TF: variants seen among roughly 807,000 people sequenced by gnomAD.
The protein encoded by TF is serotransferrin.
In TF, 55 loss-of-function variants were observed where a neutral mutation model predicts 82.4. That is an observed-to-expected ratio of 0.67 (90% CI 0.54 to 0.84). The LOEUF (loss-of-function observed/expected upper bound fraction) is 0.84, where lower values mean the gene tolerates loss of function less well. Ranked by LOEUF, TF falls within the 40% of genes least tolerant of loss-of-function variation. The probability of loss-of-function intolerance (pLI) is 0.00; values close to 1 mark genes in which losing one functional copy is unlikely to be tolerated. For missense variants in TF, 737 were observed against 868.4 expected (o/e 0.85, Z 1.90); for synonymous variants, 332 against 332.6 (o/e 1.00, Z 0.02).
intron 14 of TF, among the ~76,000 whole-genome samples, chr3:133,771,723 G>A (rs1428321535): frequency 9.9e-6 from 1 of 100,904 alleles, no homozygotes; most frequent in Non-Finnish European, 1.8e-5. Flanking sequence ...CGGCCTGGGC[G>A]ACAGAGCGAG....
the TF span, among the ~76,000 whole-genome samples, chr3:133,677,466 G>A: frequency 6.6e-6 from 1 of 152,058 alleles, no homozygotes; most frequent in Admixed American, 6.6e-5. Context: ...GTGAAACCGT[G>A]TCTCTACTAA....
At chr3:133,755,768 A>T in intron 5 of TF, 1 of 517,718 alleles carries the variant, frequency 1.9e-6, no homozygotes, top group Non-Finnish European at 3.5e-6. Context: ...CTCTCGGTGG[A>T]TCGGGCAGAG....
chr3:133,764,118 G>A (rs940974861), intron 9 of TF, 64 bp from the exon 10 acceptor site: 87 of 1,452,390 alleles, frequency 6.0e-5, no homozygotes, highest in Non-Finnish European at 7.9e-5. Flanking sequence ...GGAAACAGCT[G>A]GAAAAGTGGG....
At chr3:133,686,336 A>G in the TF span, among the ~76,000 whole-genome samples, 1 of 152,242 alleles carries the variant, frequency 6.6e-6, no homozygotes, top group African/African-American at 2.4e-5. Flanking sequence ...ACAAAAGCCA[A>G]CATTGACAAA....
At chr3:133,735,120 A>G in the TF span, among the ~76,000 whole-genome samples, 1 of 152,132 alleles carries the variant, frequency 6.6e-6, no homozygotes, top group East Asian at 1.9e-4. Context: ...AGGCGGGTGG[A>G]TCACGAGGTC....
intron 13 of TF, among the ~76,000 whole-genome samples, chr3:133,769,307 G>T (rs953039001): frequency 6.6e-6 from 1 of 152,234 alleles, no homozygotes; most frequent in Admixed American, 6.5e-5. Context: ...TCACAAAGTA[G>T]AGCATGTTGT....
At chr3:133,716,492 A>G in the TF span, among the ~76,000 whole-genome samples, 1 of 152,246 alleles carries the variant, frequency 6.6e-6, no homozygotes, top group South Asian at 2.1e-4. Flanking sequence ...TATCTCGTCC[A>G]TCACCAAATT....
chr3:133,689,341 A>G, the TF span, among the ~76,000 whole-genome samples: 1 of 152,140 alleles, frequency 6.6e-6, no homozygotes, highest in East Asian at 1.9e-4. Context: ...ATAAATAAAT[A>G]AAATAACAAA....
Position 133,782,947 on chromosome 3 carries a change from G to A in TF, c.*4327G>A, listed in dbSNP as rs1234638745. 3 of 152,170 alleles carry A rather than the reference G, an allele frequency of 2.0e-5. No homozygotes were observed. The highest frequency in any genetic ancestry group is 4.4e-5 in the Non-Finnish European group (3 of 68,046). The allele number at this position is 152,170 out of a possible 1,614,324, so 9.4% of individuals were successfully genotyped here. A position where few individuals can be genotyped will look rare whatever the true frequency, so the allele number is the denominator to read the frequency against. ...CAGGAGGATGGATTGAGCCTGGGAGGTCGAGGCTGCAGTGAGCAGTGATTT... is the reference window on the plus strand; with the variant it reads ...CAGGAGGATGGATTGAGCCTGGGAGATCGAGGCTGCAGTGAGCAGTGATTT... On this transcript the variant is annotated 3_prime_UTR_variant, in exon 17 of 17. Transcript: ENST00000402696.
chr3:133,678,627 T>C, the TF span, among the ~76,000 whole-genome samples: 2 of 152,394 alleles, frequency 1.3e-5, no homozygotes, highest in African/African-American at 4.8e-5. Context: ...TTGAGCTTTT[T>C]TTCTTAAGTT....
chr3:133,714,172 G>A, the TF span, among the ~76,000 whole-genome samples: 4 of 152,146 alleles, frequency 2.6e-5, no homozygotes, highest in South Asian at 8.3e-4. Context: ...ATGCTGTGTG[G>A]AGGCCAGAGA....
chr3:133,695,245 C>CTTT, the TF span, among the ~76,000 whole-genome samples: 71 of 100,286 alleles, frequency 7.1e-4, no homozygotes, highest in Non-Finnish European at 1.0e-3. Context: ...GGAGCTGGTT[C>CTTT]TTTTTTTTTT....
chr3:133,693,851 T>G, the TF span, among the ~76,000 whole-genome samples: 2 of 152,222 alleles, frequency 1.3e-5, no homozygotes, highest in African/African-American at 4.8e-5. Flanking sequence ...CCTTCCAGCC[T>G]CCGTGTGGGT....
At chr3:133,715,733 T>A in the TF span, among the ~76,000 whole-genome samples, 2 of 152,144 alleles carry the variant, frequency 1.3e-5, no homozygotes, top group African/African-American at 4.8e-5. Flanking sequence ...TTGGTTTTAT[T>A]ATTGTTTTTC....
In TF at chr3:133,789,029, G is replaced by A. The variant is rs1224316468; in HGVS notation, c.*10409G>A. The A allele has an allele frequency of 2.6e-5, 4 of 152,294 alleles. No individual in the cohort carries two copies. The highest frequency in any genetic ancestry group is 5.9e-5 in the Non-Finnish European group (4 of 68,102). The allele number at this position is 152,294 out of a possible 1,614,324, so 9.4% of individuals were successfully genotyped here. On this transcript the variant is annotated 3_prime_UTR_variant, in exon 17 of 17. Transcript: ENST00000402696. ...GACAGCTCACAATTGCCTCTGGAGG[G>A]AAAATATGCAAAGCGGCACTGGTGC...
chr3:133,711,579 C>G, the TF span, among the ~76,000 whole-genome samples: 26 of 152,118 alleles, frequency 1.7e-4, no homozygotes, highest in Non-Finnish European at 3.1e-4. Context: ...AATTTCTCCT[C>G]CTTCCACTCA....
chr3:133,667,550 T>TGA, the TF span, among the ~76,000 whole-genome samples: 54 of 149,694 alleles, frequency 3.6e-4, no homozygotes, highest in African/African-American at 1.2e-3. Flanking sequence ...CACCATCAAC[T>TGA]GAGAGAGAGA....
the TF span, chr3:133,688,511 G>T: frequency 6.6e-6 from 1 of 152,194 alleles, no homozygotes; most frequent in African/African-American, 2.4e-5. Flanking sequence ...ATCTGAAAAT[G>T]CAAGGACTGT....
the TF span, among the ~76,000 whole-genome samples, chr3:133,707,124 G>A: frequency 6.6e-6 from 1 of 151,560 alleles, no homozygotes; most frequent in East Asian, 1.9e-4. Flanking sequence ...TTAGTCACCA[G>A]CAGAGTGACT....
Sources: gnomAD v4.1 joint callset for allele counts (sites outside exome capture counted in the v4.1 genomes callset) on GRCh38, gnomAD v4.1.1 for gene constraint, MANE v1.5 for transcripts, NCBI Gene and HGNC (gene_info 2026-07-23, HGNC 2026-07-21) for gene names.